The following ZNF385D variants were observed in gnomAD, a reference collection of about 807,000 sequenced individuals.
The protein encoded by ZNF385D is zinc finger protein 659.
ZNF385D carries 15 observed loss-of-function variants against 35.8 expected under a neutral mutation model. That is an observed-to-expected ratio of 0.42 (90% CI 0.28 to 0.64). The LOEUF is 0.64. Among genes scored for constraint, ZNF385D ranks in the 30% least tolerant of loss-of-function variants. ZNF385D has a pLI of 0.23. For synonymous variants in ZNF385D, 212 were observed against 186.8 expected (o/e 1.13, Z -1.10); for missense variants, 474 against 494.6 (o/e 0.96, Z 0.39).
At chr3:21,655,686 T>C (rs1051622860) in intron 2 of ZNF385D, among the ~76,000 whole-genome samples, 1 of 152,046 alleles carries the variant, frequency 6.6e-6, no homozygotes, top group African/African-American at 2.4e-5. Flanking sequence ...CCAAGGCTCA[T>C]ATAGCTGATT....
rs907362641 is a variant in ZNF385D, at chr3:21,412,666, T to G, written c.*8548A>C. 6.6e-6 allele frequency: 1 copy of G among 152,126 alleles called. No homozygotes were observed. The highest frequency in any genetic ancestry group is 1.5e-5 in the Non-Finnish European group (1 of 67,992). 9.4% of individuals were successfully genotyped at this position (152,126 alleles called of 1,614,324 possible). On this transcript the variant is annotated 3_prime_UTR_variant, in exon 8 of 8. Coordinates refer to ENST00000281523, the MANE Select transcript of ZNF385D (RefSeq NM_024697.3). ...AGGATATAATGGCTAAGGATGTTCC[T>G]AGAGCTGCTGAAGGAACCAGAGAGC...
chr3:21,438,419 G>C (rs1454194868), intron 4 of ZNF385D, among the ~76,000 whole-genome samples: 1 of 152,138 alleles, frequency 6.6e-6, no homozygotes, highest in Non-Finnish European at 1.5e-5. Context: ...CTGCAATTAA[G>C]TGTTGTCTGC....
chr3:21,597,272 T>C (rs2064153466), intron 2 of ZNF385D, among the ~76,000 whole-genome samples: 1 of 152,066 alleles, frequency 6.6e-6, no homozygotes, highest in East Asian at 1.9e-4. Flanking sequence ...GACTCGAAGA[T>C]CTATAATTTA....
At chr3:21,852,252 G>A (rs1056993657) in intron 3 of ZNF385D, among the ~76,000 whole-genome samples, 66 of 151,882 alleles carry the variant, frequency 4.3e-4, no homozygotes, top group African/African-American at 4.8e-5. Context: ...TCATTGGGTT[G>A]CACATCTCTA....
Position 21,670,647 on chromosome 3 carries a change from G to GCCCC in ZNF385D, c.23-5620_23-5619insGGGG, listed in dbSNP as rs1575432248. On this transcript the variant is annotated intron_variant, in intron 1 of 7. Transcript: ENST00000281523. The stretch of plus-strand genomic sequence containing the variant: ...CTGAGAAATAAAAATGAAATCCTAA[G>GCCCC]GCGCCCCCCCCCCCCCCCCCCCCCC... Among the ~76,000 whole-genome samples the GCCCC allele has an allele frequency of 1.3e-4, 2 of 15,756 alleles. 1 individual carries two copies. Among genetic ancestry groups the GCCCC allele is most frequent in the Non-Finnish European group, 2.5e-4 (2 of 8,138 alleles). The allele number at this position is 15,756 out of a possible 152,430, so 10.3% of individuals were successfully genotyped here. A position where few individuals can be genotyped will look rare whatever the true frequency, so the allele number is the denominator to read the frequency against.
At chr3:21,900,064 C>T (rs892879454) in intron 3 of ZNF385D, among the ~76,000 whole-genome samples, 16 of 152,234 alleles carry the variant, frequency 1.1e-4, no homozygotes, top group Non-Finnish European at 2.1e-4. Context: ...CACTAAGAGT[C>T]TAAGTAGGTT....
At chr3:22,191,633 C>T (rs980495432) in intron 2 of ZNF385D, among the ~76,000 whole-genome samples, 3 of 151,944 alleles carry the variant, frequency 2.0e-5, no homozygotes, top group Non-Finnish European at 4.4e-5. Flanking sequence ...GATCTATTGT[C>T]TTTAAATGTT....
intron 2 of ZNF385D, among the ~76,000 whole-genome samples, chr3:22,262,585 A>G (rs1020805413): frequency 1.3e-5 from 2 of 152,018 alleles, no homozygotes; most frequent in Non-Finnish European, 2.9e-5. Context: ...CAGTCTTAAC[A>G]TAAAAACATT....
intron 3 of ZNF385D, among the ~76,000 whole-genome samples, chr3:21,944,982 A>C (rs1701703836): frequency 2.0e-5 from 3 of 152,064 alleles, no homozygotes; most frequent in African/African-American, 7.2e-5. Flanking sequence ...ATTCCCTATC[A>C]ATATGAATCA....
chr3:21,706,833 T>C (rs1419032090), intron 1 of ZNF385D, among the ~76,000 whole-genome samples: 15 of 151,614 alleles, frequency 9.9e-5, no homozygotes, highest in African/African-American at 3.4e-4. Flanking sequence ...GATAGATAGA[T>C]AGATAGATAG....
At chr3:22,248,999 T>C (rs1332635554) in intron 2 of ZNF385D, among the ~76,000 whole-genome samples, 2 of 152,178 alleles carry the variant, frequency 1.3e-5, no homozygotes, top group Admixed American at 1.3e-4. Context: ...CTGATGGTTC[T>C]AGCAGAGCCA....
rs1211041889 is a variant in ZNF385D at position 21,732,029 on chromosome 3, G to GTT, written c.22+18865_22+18866insAA. Among the ~76,000 whole-genome samples, 116 of 21,202 alleles carry GTT rather than the reference G, an allele frequency of 5.5e-3. 36 individuals are homozygous for GTT. The highest frequency in any genetic ancestry group is 6.6e-3 in the South Asian group (4 of 604). 13.9% of individuals were successfully genotyped at this position (21,202 alleles called of 152,430 possible). On this transcript the variant is annotated intron_variant, in intron 1 of 7. Coordinates refer to ENST00000281523, the MANE Select transcript of ZNF385D (RefSeq NM_024697.3). ...ATTCAGGGTTTTTTTCTTTTTTCGG[G>GTT]GTTTTTTTTTTTTTTTTTTTTTTTT... is the stretch of plus-strand genomic sequence containing the variant.
chr3:21,758,297 G>T (rs1001684320), intron 3 of ZNF385D, among the ~76,000 whole-genome samples: 1 of 152,174 alleles, frequency 6.6e-6, no homozygotes, highest in Non-Finnish European at 1.5e-5. Context: ...GAACATAGCA[G>T]AAATGCATCC....
intron 3 of ZNF385D, among the ~76,000 whole-genome samples, chr3:21,945,225 G>T (rs1273972144): frequency 1.3e-5 from 2 of 151,972 alleles, no homozygotes; most frequent in Non-Finnish European, 2.9e-5. Context: ...GAGAGAAAGA[G>T]ACAGAGAGAG....
At chr3:21,576,086 C>T (rs562695491) in intron 2 of ZNF385D, among the ~76,000 whole-genome samples, 125 of 152,220 alleles carry the variant, frequency 8.2e-4, no homozygotes, top group African/African-American at 2.9e-3. Flanking sequence ...TGCAAACCAC[C>T]AAGCATAATT....
intron 1 of ZNF385D, among the ~76,000 whole-genome samples, chr3:21,685,466 C>CT (rs1300028384): frequency 7.9e-5 from 12 of 152,162 alleles, no homozygotes; most frequent in African/African-American, 2.7e-4. Context: ...CTACATCTCT[C>CT]TTTTTTACAT....
chr3:21,518,238 A>G (rs989524039), intron 3 of ZNF385D, among the ~76,000 whole-genome samples: 2 of 152,122 alleles, frequency 1.3e-5, no homozygotes, highest in East Asian at 1.9e-4. Context: ...TTCCTTAAAA[A>G]CATGTCAAAA....
intron 2 of ZNF385D, among the ~76,000 whole-genome samples, chr3:22,257,345 T>G (rs1277613955): frequency 2.6e-5 from 4 of 151,710 alleles, no homozygotes; most frequent in Non-Finnish European, 4.4e-5. Flanking sequence ...CATCAAGCAT[T>G]ATCACTTCCA....
chr3:21,418,239 C>T lies in ZNF385D; in HGVS notation c.*2975G>A, dbSNP rs1700596812. The T allele has an allele frequency of 6.6e-6, 1 of 152,138 alleles. No homozygotes were observed. The highest frequency in any genetic ancestry group is 1.5e-5 in the Non-Finnish European group (1 of 68,002). 9.4% of individuals were successfully genotyped at this position (152,138 alleles called of 1,614,324 possible). ...AGGAATGTAAAACCATAAAGTCAGA[C>T]CACCCTCAGGGATTTTCACAGCACA... On this transcript the variant is annotated 3_prime_UTR_variant, in exon 8 of 8. Transcript: ENST00000281523.
Sources: allele counts gnomAD v4.1 joint callset (sites outside exome capture counted in the v4.1 genomes callset), GRCh38; gene constraint gnomAD v4.1.1; transcripts MANE v1.5; gene names NCBI Gene and HGNC (gene_info 2026-07-23, HGNC 2026-07-21).